Variants in CHD9 observed in about 807,000 individuals in gnomAD.
CHD9 encodes the protein chromodomain helicase DNA binding protein 9, also known as ATP-dependent chromatin remodeler CHD9.
CHD9 carries 77 observed loss-of-function variants against 316.1 expected under a neutral mutation model. The observed-to-expected ratio is 0.24, with a 90% CI of 0.20 to 0.29. The LOEUF (loss-of-function observed/expected upper bound fraction) is 0.29, where lower values mean the gene tolerates loss of function less well. CHD9 is among the 10% of genes least tolerant of loss of function. CHD9 has a pLI of 1.00. For missense variants in CHD9, 2,763 were observed against 3,438.1 expected, an observed-to-expected ratio of 0.80 and a Z score of 4.91; for synonymous variants, 1,129 against 1,158.3, an observed-to-expected ratio of 0.97 and a Z score of 0.51.
At chr16:53,321,966 G>A (rs528667902) in intron 38 of CHD9, among the ~76,000 whole-genome samples, 1 of 150,630 alleles carries the variant, frequency 6.6e-6, no homozygotes, top group South Asian at 2.1e-4. Flanking sequence ...TTAAGATTCT[G>A]GAAAACTATG....
intron 2 of CHD9, among the ~76,000 whole-genome samples, chr16:53,176,380 A>G (rs896089859): frequency 6.6e-5 from 10 of 152,340 alleles, no homozygotes; most frequent in African/African-American, 2.2e-4. Context: ...TCGGGCCTAC[A>G]TGGATAATTT....
At chr16:53,223,603 A>G (rs556961708) in intron 4 of CHD9, 2 of 152,552 alleles carry the variant, frequency 1.3e-5, no homozygotes, top group South Asian at 2.1e-4. Flanking sequence ...AACTTATTCC[A>G]TATGATTAAA....
rs67988137 is a variant in CHD9, at chr16:53,063,358, T to TCACACACACACACACACA, written c.-165+8308_-165+8325dup. Among the ~76,000 whole-genome samples, 41 of 137,126 alleles carry TCACACACACACACACACA rather than the reference T, an allele frequency of 3.0e-4. 1 individual carries two copies. Among genetic ancestry groups the TCACACACACACACACACA allele is most frequent in the African/African-American group, 4.8e-4 (18 of 37,234 alleles). 90.0% of individuals were successfully genotyped at this position (137,126 alleles called of 152,430 possible). On this transcript the variant is annotated intron_variant, in intron 1 of 38. Transcript: ENST00000447540. The stretch of plus-strand genomic sequence containing the variant: ...AGAATTATGCTGCTTCTCATAAATT[T>TCACACACACACACACACA]CACACACACACACACACACACACAC...
At chr16:53,168,155 G>A (rs566182874) in intron 2 of CHD9, among the ~76,000 whole-genome samples, 2 of 151,908 alleles carry the variant, frequency 1.3e-5, no homozygotes, top group East Asian at 1.9e-4. Flanking sequence ...TCCGCCTCCC[G>A]GGTTCGAACA....
At chr16:53,078,054 A>G (rs2034699883) in intron 1 of CHD9, among the ~76,000 whole-genome samples, 1 of 152,232 alleles carries the variant, frequency 6.6e-6, no homozygotes, top group African/African-American at 2.4e-5. Context: ...GGCATGGGCA[A>G]CAAAATGAAA....
chr16:53,236,507 A>G (rs2048632330), intron 11 of CHD9, among the ~76,000 whole-genome samples: 1 of 151,948 alleles, frequency 6.6e-6, no homozygotes, highest in Non-Finnish European at 1.5e-5. Context: ...CCATCCCTGA[A>G]GACTATTGCC....
At chr16:53,233,771 C>T (rs2048382023) in intron 10 of CHD9, among the ~76,000 whole-genome samples, 1 of 152,158 alleles carries the variant, frequency 6.6e-6, no homozygotes, top group African/African-American at 2.4e-5. Context: ...AGTTGTATGC[C>T]AGGAAATGGG....
At chr16:53,171,099 A>G (rs896171708) in intron 2 of CHD9, among the ~76,000 whole-genome samples, 1 of 152,156 alleles carries the variant, frequency 6.6e-6, no homozygotes, top group African/African-American at 2.4e-5. Flanking sequence ...GGATTGGCAT[A>G]TTTTAAATCT....
chr16:53,110,916 A>C (rs2037815114), intron 1 of CHD9, among the ~76,000 whole-genome samples: 1 of 152,204 alleles, frequency 6.6e-6, no homozygotes, highest in African/African-American at 2.4e-5. Context: ...ACATGATAAG[A>C]AAGTAGGCAA....
chr16:53,117,407 A>AT (rs1555486459), intron 1 of CHD9, among the ~76,000 whole-genome samples: 1 of 148,598 alleles, frequency 6.7e-6, no homozygotes, highest in Non-Finnish European at 1.5e-5. Context: ...TCTCTGACGT[A>AT]ATATATATAT....
rs768476439 is a variant in CHD9, at chr16:53,157,327, G to T, written c.1238G>T (p.Gly413Val). ...GACCCCGAGGACCTCCTTCAGGAGG[G>T]TCTTCTTCCTCACTTTGATGAGTCA... ...GLDPEDLLQEGLLPHFDESTF... is the reference protein window; with the variant it reads ...GLDPEDLLQEVLLPHFDESTF... The change falls in exon 2 of 39, where the codon GGT becomes GTT. Residue 413 changes from glycine to valine, a missense_variant. Gly to Val is a moderately radical substitution (Grantham distance 109, BLOSUM62 -3). Around this residue, in one of 15 missense-constraint regions of CHD9, gnomAD observed 859 missense variants for 890.4 expected, o/e 0.96. Transcript: ENST00000447540. 6.2e-7 allele frequency: 1 copy of T among 1,613,472 alleles called. No homozygotes were observed. Among genetic ancestry groups the T allele is most frequent in the Non-Finnish European group, 8.5e-7 (1 of 1,179,674 alleles).
intron 2 of CHD9, among the ~76,000 whole-genome samples, chr16:53,190,141 A>G (rs988447313): frequency 6.6e-6 from 1 of 152,164 alleles, no homozygotes; most frequent in Non-Finnish European, 1.5e-5. Flanking sequence ...AGAGCAAATT[A>G]CTGATTAAAT....
chr16:53,087,652 A>G (rs2035576408), intron 1 of CHD9, among the ~76,000 whole-genome samples: 1 of 152,212 alleles, frequency 6.6e-6, no homozygotes, highest in African/African-American at 2.4e-5. Flanking sequence ...CAGGTGATAG[A>G]AAATCCAATT....
At chr16:53,217,014 G>A (rs1984470) in intron 3 of CHD9, among the ~76,000 whole-genome samples, 67,342 of 151,942 alleles carry the variant, frequency 0.44, 15,340 homozygotes, top group South Asian at 0.57. Flanking sequence ...TAATAATCCT[G>A]TTAACCAATC....
chr16:53,259,888 G>A (rs1247332466), intron 19 of CHD9, among the ~76,000 whole-genome samples: 1 of 152,078 alleles, frequency 6.6e-6, no homozygotes, highest in Non-Finnish European at 1.5e-5. Flanking sequence ...AATCTCAAGA[G>A]GCATGTATCA....
At chr16:53,099,407 G>T (rs941441812) in intron 1 of CHD9, 2 of 152,352 alleles carry the variant, frequency 1.3e-5, no homozygotes, top group African/African-American at 2.4e-5. Flanking sequence ...AGTGATGAGC[G>T]TTCGGTTAAT....
At chr16:53,093,495 A>C (rs2036122834) in intron 1 of CHD9, among the ~76,000 whole-genome samples, 1 of 152,204 alleles carries the variant, frequency 6.6e-6, no homozygotes, top group Non-Finnish European at 1.5e-5. Context: ...CTATTTATTG[A>C]GCACCTGCTA....
At chr16:53,200,531 G>T (rs988559162) in intron 2 of CHD9, among the ~76,000 whole-genome samples, 1 of 152,056 alleles carries the variant, frequency 6.6e-6, no homozygotes, top group Non-Finnish European at 1.5e-5. Context: ...ACAAATGAAT[G>T]AATAAATTAA....
intron 1 of CHD9, among the ~76,000 whole-genome samples, chr16:53,065,787 A>C (rs542856921): frequency 6.6e-6 from 1 of 152,102 alleles, no homozygotes; most frequent in East Asian, 1.9e-4. Flanking sequence ...GCTCTTTGGT[A>C]CTGCCTTTTT....
Sources: gnomAD v4.1 joint callset for allele counts (sites outside exome capture counted in the v4.1 genomes callset) on GRCh38, gnomAD v4.1.1 for gene constraint, gnomAD v4.1.1 regional missense constraint, MANE v1.5 for transcripts, NCBI Gene and HGNC (gene_info 2026-07-23, HGNC 2026-07-21) for gene names.